The following LEMD3 variants were observed in gnomAD, a reference collection of about 807,000 sequenced individuals.
LEMD3 encodes the protein LEM domain containing 3, also known as inner nuclear membrane protein Man1.
A neutral mutation model predicts 95.2 loss-of-function variants in LEMD3; 33 were observed. The observed-to-expected ratio is 0.35, with a 90% CI of 0.26 to 0.46. The LOEUF (loss-of-function observed/expected upper bound fraction) is 0.46. LEMD3 is among the 20% of genes least tolerant of loss of function. The pLI is 1.00. For synonymous variants in LEMD3, 525 were observed against 474.6 expected, an observed-to-expected ratio of 1.11 and a Z score of -1.38; for missense variants, 1,210 against 1,192.8, an observed-to-expected ratio of 1.01 and a Z score of -0.21.
At chr12:65,218,719 G>T (rs11610822) in intron 4 of LEMD3, 100 bp downstream of exon 4, 2 of 659,436 alleles carry the variant, frequency 3.0e-6, no homozygotes, top group Non-Finnish European at 2.6e-6. Flanking sequence ...TAATTGTACT[G>T]TTAAAAGCTT....
chr12:65,192,919 C>T (rs1378971064), intron 1 of LEMD3, among the ~76,000 whole-genome samples: 2 of 152,118 alleles, frequency 1.3e-5, no homozygotes, highest in African/African-American at 2.4e-5. Flanking sequence ...CAAAGCTAGC[C>T]ATTATCAAGT....
At chr12:65,230,030 G>A (rs1489774501) in intron 4 of LEMD3, among the ~76,000 whole-genome samples, 1 of 152,132 alleles carries the variant, frequency 6.6e-6, no homozygotes, top group Non-Finnish European at 1.5e-5. Context: ...CATTCTGCCT[G>A]TTTTCACAGC....
rs190042639 is a variant in LEMD3 at position 65,178,759 on chromosome 12, C to T, written c.1522+7641C>T. Among the ~76,000 whole-genome samples, 8 of 152,190 alleles carry T rather than the reference C, an allele frequency of 5.3e-5. No individual in the cohort carries two copies. In the East Asian group the frequency reaches 7.7e-4, roughly 15 times the overall value. ...AGGGTCATGTAGCTAGTAAGTGAAG[C>T]GGCAGTATTTGAACTCAGACAGTGG... On this transcript the variant is annotated intron_variant, in intron 1 of 12. Transcript: ENST00000308330.
rs919890986 is a variant in LEMD3 at position 65,220,220 on chromosome 12, C to T, written c.1695+1601C>T. On this transcript the variant is annotated intron_variant, in intron 4 of 12. Coordinates refer to ENST00000308330, the MANE Select transcript of LEMD3 (RefSeq NM_014319.5). Reference sequence around the variant, plus strand: ...TCCTTAACACTTATTTGCCTTATAGCTCACTGTGTTTTTATTTGTGTTTCC... The same window carrying T: ...TCCTTAACACTTATTTGCCTTATAGTTCACTGTGTTTTTATTTGTGTTTCC... Among the ~76,000 whole-genome samples the T allele has an allele frequency of 5.9e-5, 9 of 152,142 alleles. No individual in the cohort carries two copies. In the East Asian group the frequency reaches 1.7e-3, roughly 29 times the overall value.
chr12:65,212,931 A>G (rs1357946597), intron 2 of LEMD3, among the ~76,000 whole-genome samples: 1 of 152,212 alleles, frequency 6.6e-6, no homozygotes, highest in Non-Finnish European at 1.5e-5. Flanking sequence ...GTTGATTTGT[A>G]TACTTTTCAG....
At chr12:65,216,967 G>T (rs1870129486) in intron 3 of LEMD3, among the ~76,000 whole-genome samples, 2 of 152,066 alleles carry the variant, frequency 1.3e-5, no homozygotes, top group Non-Finnish European at 2.9e-5. Flanking sequence ...CATTTATTTG[G>T]TATGCTGTAG....
rs191069792 is a variant in LEMD3, at chr12:65,194,333, G to T, written c.1523-16593G>T. Among the ~76,000 whole-genome samples the T allele has an allele frequency of 7.2e-5, 11 of 152,274 alleles. No homozygotes were observed. In the East Asian group the frequency reaches 2.1e-3, roughly 29 times the overall value. On this transcript the variant is annotated intron_variant, in intron 1 of 12. Transcript: ENST00000308330. ...ATAGAGAAAGATTTTAATTCATGGA[G>T]AGCCAGCTGAATGGGAGACTGGAGT...
chr12:65,232,452 T>C (rs574816896), intron 4 of LEMD3, among the ~76,000 whole-genome samples: 1 of 152,318 alleles, frequency 6.6e-6, no homozygotes, highest in Non-Finnish European at 1.5e-5. Flanking sequence ...TAGTAAATGT[T>C]TGATGGAGTA....
intron 3 of LEMD3, among the ~76,000 whole-genome samples, chr12:65,217,667 G>C (rs1870150337): frequency 6.6e-6 from 1 of 152,104 alleles, no homozygotes; most frequent in African/African-American, 2.4e-5. Flanking sequence ...ATAGTCTAAA[G>C]AAAAAGCCCT....
chr12:65,216,238 CTGTATTAGAGGTAATA>C (rs924935868), intron 3 of LEMD3, among the ~76,000 whole-genome samples, 195 bp downstream of exon 3: 1 of 151,386 alleles, frequency 6.6e-6, no homozygotes, highest in Non-Finnish European at 1.5e-5. Context: ...TGCCTGCCAT[CTGTATTAGAGGTAATA>C]TATATATATA....
chr12:65,213,514 C>T (rs7314763), intron 2 of LEMD3, among the ~76,000 whole-genome samples: 6,545 of 152,166 alleles, frequency 0.043, 460 homozygotes, highest in African/African-American at 0.15. Flanking sequence ...TGTGAGCCAC[C>T]GCACCCGGCC....
chr12:65,194,903 AATT>A (rs533239971), intron 1 of LEMD3, among the ~76,000 whole-genome samples: 506 of 3,782 alleles, frequency 0.13, 2 homozygotes, highest in Non-Finnish European at 0.2. Flanking sequence ...AAAATAAAAT[AATT>A]ATTAAATTAT....
At chr12:65,187,744 C>T (rs1383841828) in intron 1 of LEMD3, among the ~76,000 whole-genome samples, 2 of 151,998 alleles carry the variant, frequency 1.3e-5, no homozygotes, top group Non-Finnish European at 2.9e-5. Context: ...TGCATTTTTG[C>T]AGGGTGAGGG....
Position 65,238,653 on chromosome 12 carries a change from A to T in LEMD3, c.1776-16A>T. The T allele has an allele frequency of 3.7e-6, 6 of 1,613,898 alleles. No individual in the cohort carries two copies. Among genetic ancestry groups the T allele is most frequent in the Non-Finnish European group, 5.1e-6 (6 of 1,179,836 alleles). On this transcript the variant is annotated splice_polypyrimidine_tract_variant and intron_variant, in intron 5 of 12. Coordinates refer to ENST00000308330, the MANE Select transcript of LEMD3 (RefSeq NM_014319.5). ...GGTTTTTGACTTTAAATTCTACCTT[A>T]CTTATTTTTAAATAGGTGTGTTGGT...
At chr12:65,176,422 A>T (rs1868722193) in intron 1 of LEMD3, among the ~76,000 whole-genome samples, 1 of 152,114 alleles carries the variant, frequency 6.6e-6, no homozygotes, top group Admixed American at 6.5e-5. Context: ...TGTAACTGTG[A>T]TTCATTCTTA....
chr12:65,196,285 T>C (rs1869426744), intron 1 of LEMD3, among the ~76,000 whole-genome samples: 1 of 152,048 alleles, frequency 6.6e-6, no homozygotes, highest in Non-Finnish European at 1.5e-5. Context: ...GTAGGGAGTC[T>C]TTGAGAGGCA....
At position 65,239,930 on chromosome 12, in the gene LEMD3, T is replaced by C. The variant is rs1304470632; in HGVS notation, c.1923T>C (p.Gly641=). 6.3e-7 allele frequency: 1 copy of C among 1,589,138 alleles called. No individual in the cohort carries two copies. Among genetic ancestry groups the C allele is most frequent in the East Asian group, 2.2e-5 (1 of 44,638 alleles). The change falls in exon 7 of 13, where the codon GGT becomes GGC. Residue 641 remains glycine, a splice_region_variant and synonymous_variant. Coordinates refer to ENST00000308330, the MANE Select transcript of LEMD3 (RefSeq NM_014319.5). ...VTHRLLLLCL[G]VVMVCVVLRY... The stretch of plus-strand genomic sequence containing the variant: ...ATACAAAGTATATTAATATTACAGG[T>C]GTAGTGATGGTTTGTGTCGTTCTGC...
At chr12:65,180,989 A>AACACACACACACACACACACACAC (rs71096029) in intron 1 of LEMD3, among the ~76,000 whole-genome samples, 5 of 149,278 alleles carry the variant, frequency 3.3e-5, no homozygotes, top group African/African-American at 1.2e-4. Flanking sequence ...TATGTACACA[A>AACACACACACACACACACACACAC]ACACACACAC....
intron 1 of LEMD3, among the ~76,000 whole-genome samples, chr12:65,196,600 C>T (rs189159963): frequency 1.3e-5 from 2 of 152,160 alleles, no homozygotes; most frequent in Admixed American, 1.3e-4. Context: ...ACCTAACTTA[C>T]CTTATATAAG....
Sources: allele counts gnomAD v4.1 joint callset (sites outside exome capture counted in the v4.1 genomes callset), GRCh38; gene constraint gnomAD v4.1.1; transcripts MANE v1.5; gene names NCBI Gene and HGNC (gene_info 2026-07-23, HGNC 2026-07-21).